NNMT: variants seen among roughly 807,000 people sequenced by gnomAD.
NNMT encodes the protein nicotinamide N-methyltransferase.
Under a neutral mutation model 11.7 loss-of-function variants are expected in NNMT, and 10 were observed. That is an observed-to-expected ratio of 0.85 (90% CI 0.53 to 1.45). The LOEUF (loss-of-function observed/expected upper bound fraction) is 1.45, where lower values mean the gene tolerates loss of function less well. NNMT is among the 40% of genes most tolerant of loss of function. The pLI, the probability that NNMT is intolerant of heterozygous loss-of-function variation, is 0.00. For missense variants in NNMT, 381 were observed against 319.4 expected (o/e 1.19, Z -1.47); for synonymous variants, 143 against 133.8 (o/e 1.07, Z -0.48).
intron 1 of NNMT, among the ~76,000 whole-genome samples, chr11:114,261,084 G>A (rs1428963856): frequency 6.6e-6 from 1 of 152,214 alleles, no homozygotes; most frequent in East Asian, 1.9e-4. Flanking sequence ...GGCTCTGGCT[G>A]GTCTGGAAGG....
intron 2 of NNMT, among the ~76,000 whole-genome samples, chr11:114,264,043 C>T (rs1289010911): frequency 1.3e-5 from 2 of 152,074 alleles, no homozygotes; most frequent in Non-Finnish European, 2.9e-5. Context: ...ACTATGTGTC[C>T]ATCCTCTTAT....
intron 2 of NNMT, among the ~76,000 whole-genome samples, chr11:114,308,958 C>T (rs1945519687): frequency 6.6e-6 from 1 of 152,184 alleles, no homozygotes; most frequent in South Asian, 2.1e-4. Flanking sequence ...CAATTTGCAT[C>T]ATCATCTGAC....
Position 114,312,607 on chromosome 11 carries a change from C to A in NNMT, c.*130C>A. The A allele has an allele frequency of 1.2e-6, 1 of 833,284 alleles. No individual in the cohort carries two copies. The highest frequency in any genetic ancestry group is 1.9e-6 in the Non-Finnish European group (1 of 532,884). The allele number at this position is 833,284 out of a possible 1,614,324, so 51.6% of individuals were successfully genotyped here. A position where few individuals can be genotyped will look rare whatever the true frequency, so the allele number is the denominator to read the frequency against. ...GCCCAATGGTTCATCTAGGACGGGA[C>A]TAGAGAGGTCAGTCTACAAGCAATC... On this transcript the variant is annotated 3_prime_UTR_variant, in exon 3 of 3. Transcript: ENST00000299964.
chr11:114,294,233 A>C (rs1945354603), upstream of NNMT, among the ~76,000 whole-genome samples: 1 of 152,140 alleles, frequency 6.6e-6, no homozygotes, highest in Non-Finnish European at 1.5e-5. Flanking sequence ...CTGTAATCCC[A>C]GCACTTTGGG....
chr11:114,271,448 G>A (rs1945169529), intron 2 of NNMT, among the ~76,000 whole-genome samples: 1 of 152,128 alleles, frequency 6.6e-6, no homozygotes, highest in South Asian at 2.1e-4. Flanking sequence ...ATTTGAATGA[G>A]GACTTGAAGA....
At chr11:114,308,505 C>A (rs947277487) in intron 2 of NNMT, among the ~76,000 whole-genome samples, 8 of 152,134 alleles carry the variant, frequency 5.3e-5, no homozygotes, top group Non-Finnish European at 1.0e-4. Context: ...CCTCTTCATC[C>A]TTTCTTGCCT....
chr11:114,269,351 G>T, intron 2 of NNMT: 1 of 152,210 alleles, frequency 6.6e-6, no homozygotes, highest in Non-Finnish European at 1.5e-5. Flanking sequence ...TCAGCACACT[G>T]CAGAAAATCC....
chr11:114,307,826 T>C (rs1365833330), intron 2 of NNMT, among the ~76,000 whole-genome samples: 2 of 151,858 alleles, frequency 1.3e-5, no homozygotes, highest in African/African-American at 4.8e-5. Context: ...TACGTATTTA[T>C]CCTCTATATC....
chr11:114,302,254 C>T (rs1182859090), intron 2 of NNMT, among the ~76,000 whole-genome samples: 2 of 151,926 alleles, frequency 1.3e-5, no homozygotes, highest in African/African-American at 4.8e-5. Flanking sequence ...TCCTGTTTTC[C>T]CTTGGTGAAT....
In NNMT at chr11:114,296,524, G is replaced by A. The variant is rs1297449829; in HGVS notation, c.-33G>A. The A allele has an allele frequency of 6.2e-7, 1 of 1,606,258 alleles. No homozygotes were observed. The highest frequency in any genetic ancestry group is 1.7e-5 in the Admixed American group (1 of 59,544). On this transcript the variant is annotated 5_prime_UTR_variant, in exon 1 of 3. Transcript: ENST00000299964. ...TGGCTTCTGGAGGAAAGAGAAGGAG[G>A]GCAGTGCTCCAGTGGTACAGAAGTG...
At chr11:114,301,758 T>C (rs553957441) in intron 2 of NNMT, among the ~76,000 whole-genome samples, 12 of 151,986 alleles carry the variant, frequency 7.9e-5, no homozygotes, top group Non-Finnish European at 1.8e-4. Flanking sequence ...TTAACGTAGA[T>C]TACAGACTTT....
intron 2 of NNMT, among the ~76,000 whole-genome samples, chr11:114,278,566 T>C (rs1945233183): frequency 6.6e-6 from 1 of 151,810 alleles, no homozygotes; most frequent in African/African-American, 2.4e-5. Context: ...AGGCAGAGAG[T>C]ACCAGAGGTG....
upstream of NNMT, among the ~76,000 whole-genome samples, chr11:114,291,715 G>A (rs531200423): frequency 5.3e-5 from 8 of 152,028 alleles, no homozygotes; most frequent in African/African-American, 1.4e-4. Flanking sequence ...CTGTGGACTC[G>A]TCCTCTAAGT....
chr11:114,299,666 A>G (rs1945418512), intron 2 of NNMT, among the ~76,000 whole-genome samples: 1 of 152,192 alleles, frequency 6.6e-6, no homozygotes, highest in African/African-American at 2.4e-5. Flanking sequence ...TGTGCGAGAG[A>G]AGACTTTATT....
At chr11:114,277,903 A>G (rs1026870769) in intron 2 of NNMT, among the ~76,000 whole-genome samples, 1 of 152,308 alleles carries the variant, frequency 6.6e-6, no homozygotes, top group African/African-American at 2.4e-5. Context: ...TAGTTGCAAC[A>G]CGTAAGCCCT....
At chr11:114,294,615 C>A (rs915484933), upstream of NNMT, among the ~76,000 whole-genome samples, 8 of 151,858 alleles carry the variant, frequency 5.3e-5, no homozygotes, top group African/African-American at 9.7e-5. Flanking sequence ...TTGTAACACA[C>A]AAAAAATAAG....
At chr11:114,258,096 C>T (rs562260633) in intron 1 of NNMT, among the ~76,000 whole-genome samples, 2 of 152,360 alleles carry the variant, frequency 1.3e-5, no homozygotes, top group East Asian at 3.9e-4. Flanking sequence ...TGCCACTGCC[C>T]TCTGCCCCAA....
intron 2 of NNMT, among the ~76,000 whole-genome samples, chr11:114,271,136 G>T (rs778758235): frequency 4.6e-5 from 7 of 152,148 alleles, no homozygotes; most frequent in African/African-American, 7.2e-5. Flanking sequence ...GGGCCAAGGG[G>T]TTCAACATAT....
At chr11:114,271,213 G>A (rs1437952752) in intron 2 of NNMT, among the ~76,000 whole-genome samples, 1 of 152,208 alleles carries the variant, frequency 6.6e-6, no homozygotes. Context: ...GGGAATAGAA[G>A]GGAGAGGGAA....
Sources: gnomAD v4.1 joint callset for allele counts (sites outside exome capture counted in the v4.1 genomes callset) on GRCh38, gnomAD v4.1.1 for gene constraint, MANE v1.5 for transcripts, NCBI Gene and HGNC (gene_info 2026-07-23, HGNC 2026-07-21) for gene names.